The following DLG2 variants were observed in gnomAD, a reference collection of about 807,000 sequenced individuals.
DLG2 encodes the protein disks large homolog 2.
Under a neutral mutation model 132.5 loss-of-function variants are expected in DLG2, and 45 were observed. The ratio of observed to expected loss-of-function variants is 0.34; its 90% CI spans 0.27 to 0.44. DLG2 has a LOEUF of 0.44. DLG2 is among the 20% of genes least tolerant of loss of function. The pLI is 1.00. For missense variants in DLG2, 1,045 were observed against 1,196.9 expected (o/e 0.87, Z 1.87); for synonymous variants, 424 against 419.6 (o/e 1.01, Z -0.13).
At chr11:83,482,620 T>C (rs897694334) in intron 22 of DLG2, among the ~76,000 whole-genome samples, 2 of 152,212 alleles carry the variant, frequency 1.3e-5, no homozygotes, top group Middle Eastern at 3.4e-3. Flanking sequence ...CTGATAGGCA[T>C]ATTATTACAT....
chr11:84,356,605 G>T (rs953643780), intron 7 of DLG2, among the ~76,000 whole-genome samples: 2 of 152,022 alleles, frequency 1.3e-5, no homozygotes, highest in East Asian at 3.9e-4. Flanking sequence ...TTATAATCAT[G>T]ATTAAATGAG....
At chr11:83,679,601 T>A (rs189757551) in intron 18 of DLG2, among the ~76,000 whole-genome samples, 4 of 152,318 alleles carry the variant, frequency 2.6e-5, no homozygotes, top group East Asian at 3.9e-4. Flanking sequence ...CTGGTTAATT[T>A]AAAAAATTGT....
intron 8 of DLG2, among the ~76,000 whole-genome samples, chr11:84,179,929 T>C (rs1384675497): frequency 6.6e-6 from 1 of 152,102 alleles, no homozygotes; most frequent in East Asian, 1.9e-4. Flanking sequence ...CATGCTTTCC[T>C]CCCCAATACC....
chr11:84,798,593 G>A (rs956994872), intron 6 of DLG2, among the ~76,000 whole-genome samples: 7 of 151,858 alleles, frequency 4.6e-5, no homozygotes. Flanking sequence ...TCTGGCCCAG[G>A]GAATGTCCAG....
chr11:85,624,999 G>T (rs925762834), intron 2 of DLG2: 1 of 152,080 alleles, frequency 6.6e-6, no homozygotes, highest in East Asian at 1.9e-4. Context: ...TAAGAAACTC[G>T]GTTTATGGGG....
intron 7 of DLG2, among the ~76,000 whole-genome samples, chr11:84,511,911 G>A (rs188176211): frequency 6.6e-6 from 1 of 152,232 alleles, no homozygotes. Flanking sequence ...GGTACAAACT[G>A]TATTAATCCT....
intron 6 of DLG2, among the ~76,000 whole-genome samples, chr11:84,537,503 T>C (rs1273763638): frequency 6.6e-6 from 1 of 152,222 alleles, no homozygotes; most frequent in African/African-American, 2.4e-5. Flanking sequence ...TTAAAATTTG[T>C]GGTAAAATAC....
chr11:84,407,201 A>T (rs756693042), intron 7 of DLG2, among the ~76,000 whole-genome samples: 1 of 152,038 alleles, frequency 6.6e-6, no homozygotes, highest in South Asian at 2.1e-4. Context: ...AGGCTCCCCA[A>T]ACCTGGAAGT....
At chr11:84,358,430 C>T (rs1041082642) in intron 7 of DLG2, among the ~76,000 whole-genome samples, 6 of 149,942 alleles carry the variant, frequency 4.0e-5, no homozygotes, top group Non-Finnish European at 8.9e-5. Flanking sequence ...TATATGAAAC[C>T]GATTTCCATG....
chr11:84,246,115 A>C (rs1009961043), intron 8 of DLG2, among the ~76,000 whole-genome samples: 2 of 152,256 alleles, frequency 1.3e-5, no homozygotes, highest in African/African-American at 4.8e-5. Context: ...CCAACCTGGT[A>C]CAATGGCACC....
At chr11:85,253,027 C>A (rs535496160) in intron 4 of DLG2, among the ~76,000 whole-genome samples, 3 of 152,294 alleles carry the variant, frequency 2.0e-5, no homozygotes, top group South Asian at 4.1e-4. Flanking sequence ...TCTACAAATT[C>A]TCTTATATTA....
chr11:83,686,769 T>G (rs1330323832), intron 18 of DLG2, among the ~76,000 whole-genome samples: 1 of 152,194 alleles, frequency 6.6e-6, no homozygotes, highest in African/African-American at 2.4e-5. Context: ...TTCTAATATA[T>G]TCAGCCTATC....
intron 20 of DLG2, among the ~76,000 whole-genome samples, chr11:83,533,086 AT>A (rs1253142265): frequency 1.3e-5 from 2 of 152,168 alleles, no homozygotes; most frequent in Non-Finnish European, 2.9e-5. Flanking sequence ...ATCAAAATCT[AT>A]TTCAAATCTC....
chr11:85,312,003 C>T (rs1048642025), intron 3 of DLG2, among the ~76,000 whole-genome samples: 1 of 151,966 alleles, frequency 6.6e-6, no homozygotes, highest in Non-Finnish European at 1.5e-5. Flanking sequence ...TGACTCTGTC[C>T]TGTGCTCTTT....
intron 6 of DLG2, among the ~76,000 whole-genome samples, chr11:85,081,004 T>C (rs953915769): frequency 6.6e-6 from 1 of 152,178 alleles, no homozygotes; most frequent in African/African-American, 2.4e-5. Flanking sequence ...AAAGAAGTTA[T>C]GTGGGTATAA....
At chr11:84,206,201 T>C (rs1315788446) in intron 8 of DLG2, among the ~76,000 whole-genome samples, 1 of 152,054 alleles carries the variant, frequency 6.6e-6, no homozygotes, top group Non-Finnish European at 1.5e-5. Context: ...TCCTGTATAG[T>C]CTTGTATAGT....
At chr11:84,839,987 G>T (rs1307752197) in intron 6 of DLG2, among the ~76,000 whole-genome samples, 1 of 152,008 alleles carries the variant, frequency 6.6e-6, no homozygotes, top group East Asian at 1.9e-4. Flanking sequence ...AAAATTGACA[G>T]ATGAGATCCA....
intron 10 of DLG2, among the ~76,000 whole-genome samples, chr11:84,065,245 T>C (rs1936627208): frequency 6.6e-6 from 1 of 152,176 alleles, no homozygotes; most frequent in Admixed American, 6.6e-5. Flanking sequence ...AAAGAGCTTC[T>C]GCACAGCAAA....
At chr11:85,138,672 T>C (rs1394658180) in intron 5 of DLG2, among the ~76,000 whole-genome samples, 1 of 152,220 alleles carries the variant, frequency 6.6e-6, no homozygotes, top group East Asian at 1.9e-4. Context: ...GCTATACTTG[T>C]GTTATGGAAT....
Sources: allele counts gnomAD v4.1 joint callset (sites outside exome capture counted in the v4.1 genomes callset), GRCh38; gene constraint gnomAD v4.1.1; transcripts MANE v1.5; gene names NCBI Gene and HGNC (gene_info 2026-07-23, HGNC 2026-07-21).